IP6K3: variants seen among roughly 807,000 people sequenced by gnomAD.
IP6K3 encodes the protein ATP:1D-myo-inositol-hexakisphosphate phosphotransferase.
A neutral mutation model predicts 28.8 loss-of-function variants in IP6K3; 20 were observed. The ratio of observed to expected loss-of-function variants is 0.70; its 90% CI spans 0.49 to 1.01. IP6K3 has a LOEUF of 1.01. Among genes scored for constraint, IP6K3 ranks in the 50% least tolerant of loss-of-function variants. The probability of loss-of-function intolerance (pLI) is 0.00; values close to 1 mark genes in which losing one functional copy is unlikely to be tolerated. For synonymous variants in IP6K3, 213 were observed against 221.3 expected (o/e 0.96, Z 0.33); for missense variants, 480 against 537.1 (o/e 0.89, Z 1.05).
At chr6:33,740,977 T>C (rs1766698704) in intron 1 of IP6K3, among the ~76,000 whole-genome samples, 1 of 152,180 alleles carries the variant, frequency 6.6e-6, no homozygotes, top group Non-Finnish European at 1.5e-5. Flanking sequence ...GTTCACAACA[T>C]TCTGTTTTTC....
At chr6:33,761,671 AC>A in the IP6K3 span, among the ~76,000 whole-genome samples, 1 of 151,706 alleles carries the variant, frequency 6.6e-6, no homozygotes, top group African/African-American at 2.4e-5. Flanking sequence ...AGAGTGGGGG[AC>A]AGTTTCATAC....
chr6:33,734,040 T>C (rs1279446333), intron 2 of IP6K3, among the ~76,000 whole-genome samples: 3 of 151,958 alleles, frequency 2.0e-5, no homozygotes, highest in Admixed American at 1.3e-4. Flanking sequence ...CCGTCTCTAC[T>C]AAAAATACAA....
the IP6K3 span, among the ~76,000 whole-genome samples, chr6:33,754,806 G>A: frequency 8.5e-5 from 13 of 152,222 alleles, no homozygotes; most frequent in Non-Finnish European, 1.6e-4. Context: ...AGATCACAAC[G>A]TCTGTAACGA....
At chr6:33,735,768 A>C in intron 1 of IP6K3, 113 bp from the exon 2 acceptor site, 1 of 503,078 alleles carries the variant, frequency 2.0e-6, no homozygotes, top group Non-Finnish European at 3.5e-6. Flanking sequence ...CCTCACTGGT[A>C]CCTTAAACAG....
upstream of IP6K3, among the ~76,000 whole-genome samples, chr6:33,749,344 A>C (rs1766990033): frequency 6.6e-6 from 1 of 152,102 alleles, no homozygotes; most frequent in Admixed American, 6.5e-5. Flanking sequence ...GACATACAGC[A>C]GTAAACACAC....
the IP6K3 span, among the ~76,000 whole-genome samples, chr6:33,756,798 A>T: frequency 6.6e-6 from 1 of 152,190 alleles, no homozygotes; most frequent in South Asian, 2.1e-4. Context: ...CACTAGCCTA[A>T]GAGCACACAG....
At chr6:33,757,172 C>T in the IP6K3 span, among the ~76,000 whole-genome samples, 6 of 152,178 alleles carry the variant, frequency 3.9e-5, no homozygotes, top group African/African-American at 1.4e-4. Flanking sequence ...GTGAGTCTGG[C>T]CCCAGTCTGA....
rs1279527755 is a variant in IP6K3 at position 33,742,183 on chromosome 6, C to G, written c.-180+4575G>C. 6.6e-6 allele frequency among the ~76,000 whole-genome samples: 1 copy of G among 152,148 alleles called. No individual in the cohort carries two copies. Among genetic ancestry groups the G allele is most frequent in the African/African-American group, 2.4e-5 (1 of 41,428 alleles). ...GAGTTTTCCCGGGGTCCAGAGCTAT[C>G]AGGCACCAATGCTGGGACTCGGCCG... On this transcript the variant is annotated intron_variant, in intron 1 of 5. Transcript: ENST00000293756. This position sits in a 1 kb window ranked among gnomAD's most constrained non-coding sequence, Gnocchi z 4.5.
rs977279891 is a variant in IP6K3 at position 33,742,711 on chromosome 6, C to T, written c.-180+4047G>A. ...TTGAATTCCTAGTAGTTTTTGTCAT[C>T]GTCTATTTTTCTCAATCAACAGATC... On this transcript the variant is annotated intron_variant, in intron 1 of 5. Coordinates refer to ENST00000293756, the MANE Select transcript of IP6K3 (RefSeq NM_054111.5). The surrounding 1 kb of genome is among the most constrained non-coding windows in gnomAD (Gnocchi z 4.5). 3.3e-5 allele frequency among the ~76,000 whole-genome samples: 5 copies of T among 152,164 alleles called. No homozygotes were observed. The highest frequency in any genetic ancestry group is 1.3e-4 in the Admixed American group (2 of 15,286).
intron 2 of IP6K3, among the ~76,000 whole-genome samples, chr6:33,734,775 G>A (rs1294290782): frequency 2.6e-5 from 4 of 152,232 alleles, no homozygotes; most frequent in Admixed American, 6.5e-5. Context: ...GCGGCAGCCC[G>A]TATCCCTGGC....
intron 1 of IP6K3, among the ~76,000 whole-genome samples, chr6:33,737,376 C>T (rs1238551234): frequency 1.3e-5 from 2 of 152,052 alleles, no homozygotes; most frequent in African/African-American, 2.4e-5. Flanking sequence ...CACAGTGGTG[C>T]CTGTCACCAC....
chr6:33,749,423 C>T (rs1766990575), upstream of IP6K3, among the ~76,000 whole-genome samples: 1 of 151,990 alleles, frequency 6.6e-6, no homozygotes, highest in East Asian at 1.9e-4. Context: ...TTTCTGTTTT[C>T]CAACTTCAGC....
chr6:33,743,399 C>T (rs1419420391), intron 1 of IP6K3, among the ~76,000 whole-genome samples: 2 of 152,078 alleles, frequency 1.3e-5, no homozygotes, highest in Admixed American at 6.6e-5. Context: ...GGTACAAGTA[C>T]CATTCAATGT....
At chr6:33,745,896 G>A (rs957019603) in intron 1 of IP6K3, among the ~76,000 whole-genome samples, 4 of 152,192 alleles carry the variant, frequency 2.6e-5, no homozygotes, top group Non-Finnish European at 5.9e-5. Flanking sequence ...GGATGTACAA[G>A]TGTGCATGAG....
chr6:33,749,884 A>G (rs1766997624), upstream of IP6K3, among the ~76,000 whole-genome samples: 1 of 152,112 alleles, frequency 6.6e-6, no homozygotes, highest in Non-Finnish European at 1.5e-5. Flanking sequence ...AGTCCTGACC[A>G]GCGTGGCACT....
chr6:33,753,885 T>C, the IP6K3 span, among the ~76,000 whole-genome samples: 5 of 152,140 alleles, frequency 3.3e-5, no homozygotes, highest in East Asian at 9.6e-4. Context: ...CTCAGCTCAC[T>C]GCAAGCTCTG....
the IP6K3 span, among the ~76,000 whole-genome samples, chr6:33,759,696 TA>T: frequency 6.6e-6 from 1 of 152,130 alleles, no homozygotes; most frequent in East Asian, 1.9e-4. Flanking sequence ...ACCCCGTCTC[TA>T]CTAAAAATAA....
chr6:33,739,105 C>T (rs889140530), intron 1 of IP6K3: 1 of 152,250 alleles, frequency 6.6e-6, no homozygotes, highest in Non-Finnish European at 1.5e-5. Context: ...CCTCTGATCT[C>T]AGATGTTCTC....
upstream of IP6K3, among the ~76,000 whole-genome samples, chr6:33,749,611 G>A (rs1766993475): frequency 6.6e-6 from 1 of 150,940 alleles, no homozygotes; most frequent in South Asian, 2.1e-4. Context: ...CAGGTCCTCA[G>A]GGACAGACAA....
Sources: allele counts gnomAD v4.1 joint callset (sites outside exome capture counted in the v4.1 genomes callset), GRCh38; gene constraint gnomAD v4.1.1; non-coding constraint Gnocchi (gnomAD v3.1); transcripts MANE v1.5; gene names NCBI Gene and HGNC (gene_info 2026-07-23, HGNC 2026-07-21).